The following PDE4D variants were observed in gnomAD, a reference collection of about 807,000 sequenced individuals.
PDE4D encodes phosphodiesterase 4D.
PDE4D carries 24 observed loss-of-function variants against 87.4 expected under a neutral mutation model. The observed-to-expected ratio is 0.27, with a 90% confidence interval of 0.20 to 0.39. PDE4D has a LOEUF of 0.39. Ranked by LOEUF, PDE4D falls within the 10% of genes least tolerant of loss-of-function variation. The pLI is 1.00. For missense variants in PDE4D, 714 were observed against 1,041.0 expected (o/e 0.69, Z 4.32); for synonymous variants, 384 against 383.2 (o/e 1.00, Z -0.02).
intron 2 of PDE4D, among the ~76,000 whole-genome samples, chr5:60,116,794 TA>T (rs1377128052): frequency 1.3e-5 from 2 of 152,010 alleles, no homozygotes; most frequent in African/African-American, 4.8e-5. Flanking sequence ...GCAAAAATAA[TA>T]TATTATAATC....
chr5:59,716,559 A>T (rs757682580), intron 1 of PDE4D, among the ~76,000 whole-genome samples: 7 of 152,196 alleles, frequency 4.6e-5, no homozygotes, highest in Non-Finnish European at 8.8e-5. Context: ...TAATCCTCTT[A>T]CTTTAAGATC....
chr5:60,502,141 A>G (rs1221347742), intron 1 of PDE4D, among the ~76,000 whole-genome samples: 2 of 151,880 alleles, frequency 1.3e-5, no homozygotes, highest in Non-Finnish European at 2.9e-5. Flanking sequence ...TTTAGGTCTA[A>G]CGTTTAAGTC....
At chr5:59,929,241 A>G (rs543587323) in intron 3 of PDE4D, among the ~76,000 whole-genome samples, 157 of 152,302 alleles carry the variant, frequency 1.0e-3, no homozygotes, top group African/African-American at 3.6e-3. Context: ...AAAGTATAAT[A>G]TTGTAGACAT....
rs368697373 is a variant in PDE4D, at chr5:60,499,717, C to T, written n.70+22334G>A. On this transcript the variant is annotated intron_variant and non_coding_transcript_variant, in intron 1 of 2. Coordinates refer to the PDE4D transcript ENST00000506510. The stretch of plus-strand genomic sequence containing the variant: ...ACTCTTCAAGTAAATTTCAGCAACC[C>T]GATTGGTCATTAAAGACTCCAAAAA... Among the ~76,000 whole-genome samples the T allele has an allele frequency of 5.3e-5, 8 of 152,152 alleles. 1 individual carries two copies. Among genetic ancestry groups the T allele is most frequent in the African/African-American group, 1.9e-4 (8 of 41,516 alleles).
At chr5:59,222,769 G>A (rs1561747858) in intron 1 of PDE4D, among the ~76,000 whole-genome samples, 1 of 152,088 alleles carries the variant, frequency 6.6e-6, no homozygotes, top group Non-Finnish European at 1.5e-5. Context: ...TTCCTATTTG[G>A]GTGCTCTAGG....
chr5:59,076,491 G>A (rs1765698366), intron 5 of PDE4D, among the ~76,000 whole-genome samples: 1 of 152,110 alleles, frequency 6.6e-6, no homozygotes, highest in Non-Finnish European at 1.5e-5. Context: ...ATGAAAATGT[G>A]GAATGTGAGG....
intron 3 of PDE4D, among the ~76,000 whole-genome samples, chr5:59,979,009 T>C (rs1485664479): frequency 6.6e-6 from 1 of 152,174 alleles, no homozygotes; most frequent in Non-Finnish European, 1.5e-5. Flanking sequence ...AGTGTAAACA[T>C]AAGTTTTATA....
intron 1 of PDE4D, among the ~76,000 whole-genome samples, chr5:59,613,589 A>G (rs1579847265): frequency 6.6e-6 from 1 of 152,304 alleles, no homozygotes; most frequent in East Asian, 1.9e-4. Context: ...AGGAGGATGC[A>G]GAGTCCTCAA....
In PDE4D at chr5:60,285,573, G is replaced by A. The variant is rs1752343692; in HGVS notation, c.-89-99886C>T. Among the ~76,000 whole-genome samples, 3 of 152,072 alleles carry A rather than the reference G, an allele frequency of 2.0e-5. No homozygotes were observed. The South Asian group carries it at 6.2e-4, about 32-fold the overall frequency. On this transcript the variant is annotated intron_variant, in intron 1 of 16. Coordinates refer to the PDE4D transcript ENST00000502484. ...GAAGAAAAACAACGAATCTGTTTGG[G>A]AGTTGAAGAATTAAAAAAATGAAAT...
intron 1 of PDE4D, among the ~76,000 whole-genome samples, chr5:59,288,568 C>T (rs1033973791): frequency 6.6e-5 from 10 of 151,598 alleles, no homozygotes; most frequent in Admixed American, 6.6e-5. Context: ...CTTCCTAAAC[C>T]TAGAGAAATA....
At chr5:59,533,643 A>C (rs1814626567) in intron 1 of PDE4D, among the ~76,000 whole-genome samples, 1 of 152,236 alleles carries the variant, frequency 6.6e-6, no homozygotes, top group South Asian at 2.1e-4. Context: ...AATTTAATGC[A>C]GTGATTCTCA....
At chr5:60,257,915 T>A (rs11739760) in intron 1 of PDE4D, among the ~76,000 whole-genome samples, 1 of 151,858 alleles carries the variant, frequency 6.6e-6, no homozygotes, top group Admixed American at 6.6e-5. Flanking sequence ...CATAGCGAGC[T>A]GTTGCGACAC....
At chr5:60,335,303 G>T (rs1327431925) in intron 1 of PDE4D, among the ~76,000 whole-genome samples, 1 of 152,158 alleles carries the variant, frequency 6.6e-6, no homozygotes, top group Non-Finnish European at 1.5e-5. Flanking sequence ...AAAGGGAAGG[G>T]GTGAGAGCAG....
intron 1 of PDE4D, among the ~76,000 whole-genome samples, chr5:59,631,696 A>G (rs1287995327): frequency 6.6e-6 from 1 of 152,180 alleles, no homozygotes; most frequent in Admixed American, 6.5e-5. Flanking sequence ...CTGTGCCGTG[A>G]GGAACGAAGC....
intron 1 of PDE4D, among the ~76,000 whole-genome samples, chr5:60,518,847 C>CA (rs1256304498): frequency 1.3e-5 from 2 of 152,182 alleles, no homozygotes; most frequent in African/African-American, 4.8e-5. Flanking sequence ...TGAGACACAT[C>CA]AGTCTCCTAC....
chr5:59,287,327 C>T (rs1054646822), intron 1 of PDE4D, among the ~76,000 whole-genome samples: 1 of 152,012 alleles, frequency 6.6e-6, no homozygotes, highest in Non-Finnish European at 1.5e-5. Context: ...GACTCCTCTG[C>T]TTGTGGAAAG....
chr5:59,861,878 G>T (rs898935580), intron 1 of PDE4D, among the ~76,000 whole-genome samples: 2 of 152,234 alleles, frequency 1.3e-5, no homozygotes, highest in African/African-American at 4.8e-5. Context: ...TTTTCCTGCA[G>T]ATCAGAGGCT....
chr5:59,704,886 T>A (rs1561509096), intron 1 of PDE4D, among the ~76,000 whole-genome samples: 2 of 152,192 alleles, frequency 1.3e-5, no homozygotes, highest in South Asian at 4.1e-4. Context: ...ATGTTTCCTT[T>A]GAAATATGTG....
intron 2 of PDE4D, among the ~76,000 whole-genome samples, chr5:59,200,043 G>A (rs572080867): frequency 3.7e-4 from 16 of 42,972 alleles, no homozygotes; most frequent in Admixed American, 9.8e-4. Flanking sequence ...GCACACACAC[G>A]TATGTACACA....
Sources: allele counts gnomAD v4.1 joint callset (sites outside exome capture counted in the v4.1 genomes callset), GRCh38; gene constraint gnomAD v4.1.1; transcripts MANE v1.5; gene names NCBI Gene and HGNC (gene_info 2026-07-23, HGNC 2026-07-21).